DISP1: variants seen among roughly 807,000 people sequenced by gnomAD.
The protein encoded by DISP1 is dispatched RND transporter family member 1, also known as protein dispatched homolog 1.
Under a neutral mutation model 37.3 loss-of-function variants are expected in DISP1, and 30 were observed. The ratio of observed to expected loss-of-function variants is 0.80; its 90% confidence interval spans 0.60 to 1.09. The LOEUF (loss-of-function observed/expected upper bound fraction) is 1.09. Ranked by LOEUF, DISP1 falls within the 50% of genes least tolerant of loss-of-function variation. The probability of loss-of-function intolerance (pLI) is 0.00; values close to 1 mark genes in which losing one functional copy is unlikely to be tolerated. For missense variants in DISP1, 1,598 were observed against 1,879.5 expected (o/e 0.85, Z 2.77); for synonymous variants, 634 against 690.2 (o/e 0.92, Z 1.28).
chr1:222,837,379 C>A, intron 1 of DISP1: 1 of 274,654 alleles, frequency 3.6e-6, no homozygotes, highest in Non-Finnish European at 6.7e-6. Flanking sequence ...CTTCTATCTT[C>A]TTTAAGCCCT....
At chr1:222,994,853 T>C (rs746738108) in intron 7 of DISP1, 32 bp from the exon 8 acceptor site, 3 of 1,492,150 alleles carry the variant, frequency 2.0e-6, no homozygotes, top group African/African-American at 2.8e-5. Context: ...TTTATAAACC[T>C]TTTTCTTTCC....
chr1:222,853,674 G>T (rs1243398259), intron 1 of DISP1, among the ~76,000 whole-genome samples: 2 of 152,130 alleles, frequency 1.3e-5, no homozygotes, highest in Non-Finnish European at 2.9e-5. Flanking sequence ...TCACTCATTT[G>T]TGGAAGCTAA....
intron 1 of DISP1, among the ~76,000 whole-genome samples, chr1:222,888,883 CTTTT>C (rs1558313104): frequency 6.6e-6 from 1 of 151,758 alleles, no homozygotes; most frequent in African/African-American, 2.4e-5. Flanking sequence ...CAGTTGCTTA[CTTTT>C]TTCTCTTTCT....
At chr1:222,855,356 A>G (rs1668490991) in intron 1 of DISP1, among the ~76,000 whole-genome samples, 1 of 152,222 alleles carries the variant, frequency 6.6e-6, no homozygotes, top group African/African-American at 2.4e-5. Flanking sequence ...GATTTAAACA[A>G]TTTTTGAAAG....
rs772668830 is a variant in DISP1 at position 223,004,189 on chromosome 1, A to C, written c.2792A>C (p.Tyr931Ser). The C allele has an allele frequency of 6.8e-6, 11 of 1,614,018 alleles. No homozygotes were observed. The Admixed American group carries it at 1.7e-4, about 24-fold the overall frequency. ...GTGGTGTTAGAGTTCCAGAGTACCT[A>C]CCTCTTCACACTGGCTTATGAAAAG... The part of the protein sequence containing the change: ...RAVVLEFQST[Y>S]LFTLAYEKMH... The change falls in exon 9 of 9, where the codon TAC becomes TCC. Residue 931 changes from tyrosine (Y) to serine (S), a missense_variant. Transcript: ENST00000675850. This position sits in a 1 kb window ranked among gnomAD's most constrained non-coding sequence, Gnocchi z 4.9.
rs1435962305 is a variant in DISP1 at position 222,871,943 on chromosome 1, T to C, written c.-158-56487T>C. Among the ~76,000 whole-genome samples, 8 of 152,302 alleles carry C rather than the reference T, an allele frequency of 5.3e-5. No individual in the cohort carries two copies. In the East Asian group the frequency reaches 1.5e-3, roughly 29 times the overall value. On this transcript the variant is annotated intron_variant, in intron 1 of 8. Transcript: ENST00000675850. ...GTGGGTTTGTCATAGATAGCTCTTATTATTTTGAGATACGTCCCATCAATA... is the reference window on the plus strand; with the variant it reads ...GTGGGTTTGTCATAGATAGCTCTTACTATTTTGAGATACGTCCCATCAATA...
At chr1:222,903,887 T>C (rs140227560) in intron 1 of DISP1, among the ~76,000 whole-genome samples, 1 of 152,318 alleles carries the variant, frequency 6.6e-6, no homozygotes, top group Non-Finnish European at 1.5e-5. Flanking sequence ...GGCTTATCTT[T>C]GGGTGTTTCC....
At chr1:222,967,124 CAT>C (rs141881412) in intron 3 of DISP1, among the ~76,000 whole-genome samples, 3 of 151,114 alleles carry the variant, frequency 2.0e-5, no homozygotes, top group African/African-American at 7.3e-5. Context: ...AATAGATCTA[CAT>C]ATATATATAT....
rs193068331 is a variant in DISP1 at position 222,880,725 on chromosome 1, C to T, written c.-158-47705C>T. On this transcript the variant is annotated intron_variant, in intron 1 of 8. Transcript: ENST00000675850. ...TGGAAAGAGTTGATTTCCTGTGTGG[C>T]GAGAGAAGACTACACGTAACTTGGT... 1.1e-4 allele frequency among the ~76,000 whole-genome samples: 16 copies of T among 152,048 alleles called. No homozygotes were observed. In the South Asian group the frequency reaches 2.9e-3, roughly 28 times the overall value.
At chr1:222,961,399 G>A (rs982084749) in intron 3 of DISP1, among the ~76,000 whole-genome samples, 1 of 152,018 alleles carries the variant, frequency 6.6e-6, no homozygotes, top group African/African-American at 2.4e-5. Flanking sequence ...TACAGAAAAG[G>A]CCTTTGATAA....
intron 3 of DISP1, among the ~76,000 whole-genome samples, chr1:222,982,064 A>G (rs1371330682): frequency 6.6e-6 from 1 of 152,238 alleles, no homozygotes; most frequent in East Asian, 1.9e-4. Context: ...GTTAACATAA[A>G]TAACACATTT....
chr1:222,927,271 G>A (rs1018030054), intron 1 of DISP1, among the ~76,000 whole-genome samples: 1 of 151,896 alleles, frequency 6.6e-6, no homozygotes, highest in Non-Finnish European at 1.5e-5. Context: ...ACTTATAAGT[G>A]GTTTCGATTT....
intron 1 of DISP1, among the ~76,000 whole-genome samples, chr1:222,817,880 A>G (rs541353987): frequency 6.6e-6 from 1 of 152,264 alleles, no homozygotes; most frequent in East Asian, 1.9e-4. Context: ...ATGACTGTGA[A>G]CCTCTTGTTT....
intron 1 of DISP1, among the ~76,000 whole-genome samples, chr1:222,907,010 T>C (rs914371282): frequency 6.6e-6 from 1 of 152,220 alleles, no homozygotes. Flanking sequence ...CTTAGCATGG[T>C]GACTAACACA....
intron 1 of DISP1, among the ~76,000 whole-genome samples, chr1:222,821,878 C>CA (rs35160286): frequency 0.024 from 1,765 of 72,852 alleles, 21 homozygotes; most frequent in African/African-American, 0.04. Context: ...GACTCCATCT[C>CA]AAAAAAAAAA....
intron 1 of DISP1, among the ~76,000 whole-genome samples, chr1:222,881,448 G>A (rs1031058494): frequency 6.6e-6 from 1 of 152,160 alleles, no homozygotes; most frequent in African/African-American, 2.4e-5. Context: ...CACCCGCTTC[G>A]GCCTCCCAAA....
chr1:222,977,368 G>C (rs1241746553), intron 3 of DISP1, among the ~76,000 whole-genome samples: 1 of 134,788 alleles, frequency 7.4e-6, no homozygotes, highest in Non-Finnish European at 1.6e-5. Flanking sequence ...TTTTCAAAGA[G>C]GGCTGACAAA....
At chr1:222,942,648 G>C (rs1002705836) in intron 2 of DISP1, among the ~76,000 whole-genome samples, 159 bp from the exon 3 acceptor site, 5 of 152,044 alleles carry the variant, frequency 3.3e-5, no homozygotes, top group African/African-American at 9.7e-5. Context: ...CCACTGTGTT[G>C]GCTGGTTCCA....
intron 1 of DISP1, among the ~76,000 whole-genome samples, chr1:222,927,420 G>C (rs780983149): frequency 1.3e-5 from 2 of 152,006 alleles, no homozygotes; most frequent in African/African-American, 2.4e-5. Context: ...TTGTTGAGTT[G>C]TAAGAGCTTT....
Sources: gnomAD v4.1 joint callset for allele counts (sites outside exome capture counted in the v4.1 genomes callset) on GRCh38, gnomAD v4.1.1 for gene constraint, Gnocchi (gnomAD v3.1) non-coding constraint, MANE v1.5 for transcripts, NCBI Gene and HGNC (gene_info 2026-07-23, HGNC 2026-07-21) for gene names.